Variants in PPP2R2C observed in about 807,000 individuals in gnomAD.
PPP2R2C encodes protein phosphatase 2 regulatory subunit Bgamma.
PPP2R2C carries 10 observed loss-of-function variants against 45.3 expected under a neutral mutation model. The ratio of observed to expected loss-of-function variants is 0.22; its 90% CI spans 0.14 to 0.37. PPP2R2C has a LOEUF of 0.37. Ranked by LOEUF, PPP2R2C falls within the 10% of genes least tolerant of loss-of-function variation. The pLI, the probability that PPP2R2C is intolerant of heterozygous loss-of-function variation, is 1.00. For synonymous variants in PPP2R2C, 257 were observed against 245.4 expected (o/e 1.05, Z -0.44); for missense variants, 308 against 619.7 (o/e 0.50, Z 5.34).
chr4:6,384,515 A>G (rs1206069045), intron 1 of PPP2R2C: 1 of 976,026 alleles, frequency 1.0e-6, no homozygotes, highest in Non-Finnish European at 1.2e-6. Context: ...AGGTACAATC[A>G]ATATATAAAA....
chr4:6,354,749 T>G (rs536394450), intron 5 of PPP2R2C, among the ~76,000 whole-genome samples: 1 of 147,668 alleles, frequency 6.8e-6, no homozygotes, highest in Admixed American at 7.0e-5. Flanking sequence ...GGTTCCACAG[T>G]CAGTGAGCAG....
At chr4:6,456,182 A>C (rs528849614) in intron 1 of PPP2R2C, among the ~76,000 whole-genome samples, 3 of 152,364 alleles carry the variant, frequency 2.0e-5, no homozygotes, top group Admixed American at 2.0e-4. Context: ...ATCTGGGAAA[A>C]TGTTGACAGT....
intron 1 of PPP2R2C, among the ~76,000 whole-genome samples, chr4:6,437,722 A>G (rs956428160): frequency 1.3e-5 from 2 of 152,232 alleles, no homozygotes; most frequent in African/African-American, 4.8e-5. Flanking sequence ...TTAACTGCCT[A>G]TAGAAATGAC....
chr4:6,483,004 A>C lies in PPP2R2C; in HGVS notation c.49+52267T>G, dbSNP rs118111595. Among the ~76,000 whole-genome samples, 216 of 152,054 alleles carry C rather than the reference A, an allele frequency of 1.4e-3. 5 individuals are homozygous for C. The East Asian group carries it at 0.033, about 23-fold the overall frequency. On this transcript the variant is annotated intron_variant, in intron 2 of 9. Transcript: ENST00000506140. The stretch of plus-strand genomic sequence containing the variant: ...TATCTATTAATAAGAATATGACTTT[A>C]GCCTTTAATCTATTAAAGAAGTAAA...
intron 1 of PPP2R2C, among the ~76,000 whole-genome samples, chr4:6,400,364 T>C (rs1376763755): frequency 6.6e-6 from 1 of 152,212 alleles, no homozygotes; most frequent in East Asian, 1.9e-4. Flanking sequence ...AAAAATATTA[T>C]TTACGTTAAC....
At chr4:6,379,779 G>A (rs999388809) in intron 2 of PPP2R2C, among the ~76,000 whole-genome samples, 1 of 152,174 alleles carries the variant, frequency 6.6e-6, no homozygotes, top group African/African-American at 2.4e-5. Flanking sequence ...CTCCTCCTCT[G>A]TAAAATGAGG....
chr4:6,355,658 C>G (rs962344851), intron 5 of PPP2R2C, among the ~76,000 whole-genome samples: 2 of 151,836 alleles, frequency 1.3e-5, no homozygotes, highest in Non-Finnish European at 2.9e-5. Context: ...CGTCCCCCTG[C>G]AGCGTGTTGA....
rs910747394 is a variant in PPP2R2C at position 6,345,517 on chromosome 4, C to A, written c.790+2329G>T. Among the ~76,000 whole-genome samples, 2 of 152,278 alleles carry A rather than the reference C, an allele frequency of 1.3e-5. No homozygotes were observed. Among genetic ancestry groups the A allele is most frequent in the Admixed American group, 1.3e-4 (2 of 15,312 alleles). On this transcript the variant is annotated intron_variant, in intron 6 of 8. Transcript: ENST00000382599. The surrounding 1 kb of genome is among the most constrained non-coding windows in gnomAD (Gnocchi z 5.3). Reference sequence around the variant, plus strand: ...GGCAGGAACAAGGCGATCACAAGGGCCTTTATACGCGAAAGACAGACAGGA... The same window carrying A: ...GGCAGGAACAAGGCGATCACAAGGGACTTTATACGCGAAAGACAGACAGGA...
chr4:6,443,118 GT>G (rs149778426), intron 1 of PPP2R2C, among the ~76,000 whole-genome samples: 12,665 of 152,102 alleles, frequency 0.083, 863 homozygotes, highest in East Asian at 0.36. Context: ...AGTGGCCTCA[GT>G]TTTTTTAAAC....
At chr4:6,449,145 T>C (rs1049808230) in intron 1 of PPP2R2C, among the ~76,000 whole-genome samples, 1 of 152,044 alleles carries the variant, frequency 6.6e-6, no homozygotes, top group African/African-American at 2.4e-5. Flanking sequence ...GAAGGCCCCA[T>C]CCTCTGACTC....
chr4:6,473,891 A>C (rs1015536890), upstream of PPP2R2C, among the ~76,000 whole-genome samples: 2 of 152,194 alleles, frequency 1.3e-5, no homozygotes, highest in Non-Finnish European at 2.9e-5. Context: ...AAAGCCCCCC[A>C]GCAGCCCCAC....
chr4:6,480,549 C>T (rs1722315180), intron 2 of PPP2R2C, among the ~76,000 whole-genome samples: 1 of 152,144 alleles, frequency 6.6e-6, no homozygotes, highest in Admixed American at 6.5e-5. Context: ...ATTTCTTCTA[C>T]CTGCTGTCCA....
chr4:6,326,698 T>TAAGC (rs1234532560), intron 8 of PPP2R2C, among the ~76,000 whole-genome samples: 2 of 152,220 alleles, frequency 1.3e-5, no homozygotes, highest in African/African-American at 4.8e-5. Context: ...CTTAGGGGCT[T>TAAGC]CCTCAAGCAC....
chr4:6,384,174 A>G (rs1210926407), intron 1 of PPP2R2C: 1 of 985,272 alleles, frequency 1.0e-6, no homozygotes, highest in East Asian at 1.1e-4. Flanking sequence ...ACATCTGGGC[A>G]GAAGCCAGAA....
chr4:6,443,174 C>T (rs1000948271), intron 1 of PPP2R2C, among the ~76,000 whole-genome samples: 3 of 152,210 alleles, frequency 2.0e-5, no homozygotes, highest in African/African-American at 7.2e-5. Context: ...CTCGGCACCA[C>T]TCTTGTTAGG....
At chr4:6,483,911 C>T (rs1387189266) in intron 2 of PPP2R2C, among the ~76,000 whole-genome samples, 1 of 152,086 alleles carries the variant, frequency 6.6e-6, no homozygotes, top group Non-Finnish European at 1.5e-5. Flanking sequence ...TGGTAAACTA[C>T]AGCTTGCAGA....
chr4:6,349,959 AATGGCTG>A, intron 5 of PPP2R2C: 1 of 985,400 alleles, frequency 1.0e-6, no homozygotes, highest in Non-Finnish European at 1.2e-6. Context: ...CAGGGAAAAA[AATGGCTG>A]ATCTGTGCAG....
At chr4:6,418,774 C>T (rs901881995) in intron 1 of PPP2R2C, among the ~76,000 whole-genome samples, 24 of 152,240 alleles carry the variant, frequency 1.6e-4, no homozygotes, top group African/African-American at 5.1e-4. Context: ...GGAAGACCTG[C>T]CCCTGCCTGC....
At chr4:6,562,735 T>C (rs1371088825) in intron 1 of PPP2R2C, among the ~76,000 whole-genome samples, 2 of 152,162 alleles carry the variant, frequency 1.3e-5, no homozygotes, top group African/African-American at 4.8e-5. Context: ...ACTGAGGCCC[T>C]GAGAGAGTAA....
Sources: gnomAD v4.1 joint callset for allele counts (sites outside exome capture counted in the v4.1 genomes callset) on GRCh38, gnomAD v4.1.1 for gene constraint, Gnocchi (gnomAD v3.1) non-coding constraint, MANE v1.5 for transcripts, NCBI Gene and HGNC (gene_info 2026-07-23, HGNC 2026-07-21) for gene names.